Variants in TG observed in about 807,000 individuals in gnomAD.
The protein encoded by TG is thyroid hormones.
In TG, 270 loss-of-function variants were observed where a neutral mutation model predicts 324.7. The ratio of observed to expected loss-of-function variants is 0.83; its 90% CI spans 0.75 to 0.92. The LOEUF (loss-of-function observed/expected upper bound fraction) is 0.92, where lower values mean the gene tolerates loss of function less well. TG is among the 40% of genes least tolerant of loss of function. The pLI, the probability that TG is intolerant of heterozygous loss-of-function variation, is 0.00. For synonymous variants in TG, 1,401 were observed against 1,327.0 expected (o/e 1.06, Z -1.21); for missense variants, 3,591 against 3,456.4 (o/e 1.04, Z -0.98).
Position 132,937,353 on chromosome 8 carries a change from C to G in TG, c.5041+1489C>G, listed in dbSNP as rs75278543. 2.7e-3 allele frequency among the ~76,000 whole-genome samples: 414 copies of G among 152,318 alleles called. 1 individual carries two copies. Among genetic ancestry groups the G allele is most frequent in the Non-Finnish European group, 4.7e-3 (318 of 68,030 alleles). ...GCTGCCCTGACCTTGGTAGCAATTG[C>G]GAGCCCACAGCAGGGACAAGTGTTT... On this transcript the variant is annotated intron_variant, in intron 25 of 47. Transcript: ENST00000220616.
At position 132,876,487 on chromosome 8, in the gene TG, C is replaced by G. The variant is rs770196484; in HGVS notation, c.638+3266C>G. ...CAGAAGGCAGTTACTTCCCTGGGGC[C>G]ACCAGAAGGCTGGAATCCTGTGGGC... On this transcript the variant is annotated intron_variant, in intron 5 of 47. Coordinates refer to ENST00000220616, the MANE Select transcript of TG (RefSeq NM_003235.5). Among the ~76,000 whole-genome samples, 184 of 152,142 alleles carry G rather than the reference C, an allele frequency of 1.2e-3. 1 individual carries two copies. Among genetic ancestry groups the G allele is most frequent in the Middle Eastern group, 3.2e-3 (1 of 316 alleles).
At chr8:132,998,362 G>A (rs1461701631) in intron 35 of TG, among the ~76,000 whole-genome samples, 8 of 152,296 alleles carry the variant, frequency 5.3e-5, no homozygotes, top group Non-Finnish European at 1.0e-4. Flanking sequence ...GGAAGAGAGG[G>A]GACCAACTGA....
At chr8:133,038,346 G>C in intron 41 of TG, 1 of 612,604 alleles carries the variant, frequency 1.6e-6, no homozygotes, top group Non-Finnish European at 2.9e-6. Flanking sequence ...CCAGGGAGGG[G>C]TTCCTTTGGT....
At chr8:132,945,318 A>C (rs1250272778) in intron 26 of TG, among the ~76,000 whole-genome samples, 1 of 152,176 alleles carries the variant, frequency 6.6e-6, no homozygotes, top group African/African-American at 2.4e-5. Context: ...AAATTCAATA[A>C]GACTTTGAAT....
chr8:132,906,626 G>A, intron 16 of TG, 62 bp from the exon 17 acceptor site: 3 of 1,586,674 alleles, frequency 1.9e-6, no homozygotes, highest in Non-Finnish European at 2.6e-6. Context: ...CCACAAGCAG[G>A]CATGCTCAGT....
At chr8:132,877,775 A>G (rs970798320) in intron 5 of TG, among the ~76,000 whole-genome samples, 6 of 152,202 alleles carry the variant, frequency 3.9e-5, no homozygotes, top group Admixed American at 1.3e-4. Context: ...TTTTTATTCA[A>G]CAAAAGGCAA....
chr8:132,902,227 A>G (rs1455576156), intron 16 of TG, among the ~76,000 whole-genome samples: 1 of 152,176 alleles, frequency 6.6e-6, no homozygotes, highest in African/African-American at 2.4e-5. Context: ...CAGAGTTGCA[A>G]AATACTGTGC....
At chr8:132,867,775 G>C (rs1028498811) in intron 1 of TG, among the ~76,000 whole-genome samples, 1 of 151,320 alleles carries the variant, frequency 6.6e-6, no homozygotes, top group Non-Finnish European at 1.5e-5. Context: ...TGGGAATTGC[G>C]GCAGGGTGGG....
chr8:133,125,675 G>A (rs1851462863), intron 45 of TG, among the ~76,000 whole-genome samples: 1 of 152,204 alleles, frequency 6.6e-6, no homozygotes, highest in East Asian at 1.9e-4. Context: ...AGATGCCTGG[G>A]GGATGGGCCA....
At chr8:132,932,128 G>T (rs185615325) in intron 23 of TG, among the ~76,000 whole-genome samples, 3 of 151,998 alleles carry the variant, frequency 2.0e-5, no homozygotes, top group African/African-American at 7.2e-5. Flanking sequence ...TTTTTTTGGG[G>T]GGGGTGTTCT....
chr8:133,002,890 C>T, intron 35 of TG: 1 of 469,908 alleles, frequency 2.1e-6, no homozygotes, highest in South Asian at 6.5e-5. Flanking sequence ...ATTGTAAACG[C>T]TTCCAGTTTT....
intron 43 of TG, 149 bp downstream of exon 43, chr8:133,096,522 G>A: frequency 1.0e-6 from 1 of 964,458 alleles, no homozygotes; most frequent in Non-Finnish European, 1.6e-6. Context: ...TGGTAATGGG[G>A]GGATTTAGAA....
In TG at chr8:133,017,997, G is replaced by T; in HGVS notation, c.6782G>T (p.Arg2261Met). The T allele has an allele frequency of 6.2e-7, 1 of 1,614,008 alleles. No individual in the cohort carries two copies. The highest frequency in any genetic ancestry group is 8.5e-7 in the Non-Finnish European group (1 of 1,179,934). Residue 2261 changes from arginine to methionine, a missense_variant and splice_region_variant, in exon 38 of 48, where the codon AGG becomes ATG. Transcript: ENST00000220616. ...WTGSWDASKPRASCWQPGTRT... is the reference protein window; with the variant it reads ...WTGSWDASKPMASCWQPGTRT... ...GGCTCCTGGGATGCCAGCAAGCCAA[G>T]GTATGGGTTGAGTGGAGCACATCTT...
At chr8:133,024,472 A>T (rs1259110995) in intron 40 of TG, among the ~76,000 whole-genome samples, 1 of 151,474 alleles carries the variant, frequency 6.6e-6, no homozygotes, top group African/African-American at 2.4e-5. Flanking sequence ...TACATGTGCC[A>T]TAGTGGTTTG....
chr8:132,994,568 C>A (rs1533909), intron 35 of TG: 68,588 of 588,986 alleles, frequency 0.12, 4,845 homozygotes, highest in Non-Finnish European at 0.14. Context: ...TAGTATGTTA[C>A]AAGTGGCTAG....
At chr8:133,002,143 C>A (rs1299966290) in intron 35 of TG, 68 of 985,282 alleles carry the variant, frequency 6.9e-5, no homozygotes, top group Non-Finnish European at 8.2e-5. Context: ...GCCCTTGGAT[C>A]TGATACAAAA....
chr8:132,881,455 C>T (rs1814631704), intron 5 of TG, among the ~76,000 whole-genome samples: 2 of 152,134 alleles, frequency 1.3e-5, no homozygotes, highest in Non-Finnish European at 1.5e-5. Context: ...ATGAGATAAT[C>T]TCCAATGTAC....
chr8:133,041,556 C>T (rs1027130723), intron 41 of TG, among the ~76,000 whole-genome samples: 2 of 151,986 alleles, frequency 1.3e-5, no homozygotes, highest in Non-Finnish European at 2.9e-5. Flanking sequence ...GGATATGAGG[C>T]GAGGAAGATG....
At chr8:133,053,202 A>C (rs1840745632) in intron 41 of TG, among the ~76,000 whole-genome samples, 3 of 151,874 alleles carry the variant, frequency 2.0e-5, no homozygotes, top group South Asian at 4.2e-4. Flanking sequence ...TGCTGTACTA[A>C]TTCTTCCTCT....
Sources: allele counts gnomAD v4.1 joint callset (sites outside exome capture counted in the v4.1 genomes callset), GRCh38; gene constraint gnomAD v4.1.1; transcripts MANE v1.5; gene names NCBI Gene and HGNC (gene_info 2026-07-23, HGNC 2026-07-21).